GABBR2: variants seen among roughly 807,000 people sequenced by gnomAD.
GABBR2 encodes the protein gamma-aminobutyric acid type B receptor subunit 2.
A neutral mutation model predicts 105.6 loss-of-function variants in GABBR2; 23 were observed. The observed-to-expected ratio is 0.22, with a 90% CI of 0.16 to 0.31. GABBR2 has a LOEUF of 0.31. Ranked by LOEUF, GABBR2 falls within the 10% of genes least tolerant of loss-of-function variation. The pLI, the probability that GABBR2 is intolerant of heterozygous loss-of-function variation, is 1.00. For synonymous variants in GABBR2, 478 were observed against 499.7 expected, an observed-to-expected ratio of 0.96 and a Z score of 0.58; for missense variants, 734 against 1,245.5, an observed-to-expected ratio of 0.59 and a Z score of 6.18.
At chr9:98,656,423 CTTA>C (rs1007710686) in intron 1 of GABBR2, among the ~76,000 whole-genome samples, 1 of 103,236 alleles carries the variant, frequency 9.7e-6, no homozygotes, top group Non-Finnish European at 2.2e-5. Flanking sequence ...GTGTTGCTGT[CTTA>C]TTATAAAAAG....
intron 3 of GABBR2, among the ~76,000 whole-genome samples, chr9:98,520,803 T>A (rs1405324667): frequency 6.6e-6 from 1 of 152,192 alleles, no homozygotes; most frequent in Non-Finnish European, 1.5e-5. Flanking sequence ...CGCCAGATGA[T>A]GAGTCCCTGG....
At chr9:98,636,666 T>G (rs1473171109) in intron 1 of GABBR2, among the ~76,000 whole-genome samples, 1 of 152,044 alleles carries the variant, frequency 6.6e-6, no homozygotes. Flanking sequence ...GCTAATTTTT[T>G]GTATTTTAGT....
chr9:98,379,400 C>T (rs975938329), intron 11 of GABBR2, among the ~76,000 whole-genome samples: 7 of 152,236 alleles, frequency 4.6e-5, no homozygotes, highest in Admixed American at 2.6e-4. Context: ...TCCTGAGTAG[C>T]TGGGACTATA....
rs1826296645 is a variant in GABBR2, at chr9:98,454,802, G to A, written c.1000-585C>T. Among the ~76,000 whole-genome samples, 1 of 143,652 alleles carries A rather than the reference G, an allele frequency of 7.0e-6. No homozygotes were observed. The highest frequency in any genetic ancestry group is 1.5e-5 in the Non-Finnish European group (1 of 65,746). 94.2% of individuals were successfully genotyped at this position (143,652 alleles called of 152,430 possible). On this transcript the variant is annotated intron_variant, in intron 6 of 18. Coordinates refer to ENST00000259455, the MANE Select transcript of GABBR2 (RefSeq NM_005458.8). This position sits in a 1 kb window ranked among gnomAD's most constrained non-coding sequence, Gnocchi z 4.6. The stretch of plus-strand genomic sequence containing the variant: ...CCACCCCTCTCCATCCTGCAGCCCA[G>A]CCAGGCTCAGTCCATACCTCCTTCC...
intron 7 of GABBR2, among the ~76,000 whole-genome samples, chr9:98,414,800 C>G (rs990430185): frequency 1.3e-5 from 2 of 152,138 alleles, no homozygotes; most frequent in African/African-American, 4.8e-5. Flanking sequence ...AAACCTCTCA[C>G]AAGTTCCTGA....
At position 98,299,267 on chromosome 9, in the gene GABBR2, C is replaced by T; in HGVS notation, c.2499G>A (p.Glu833=). 1 of 1,614,160 alleles carries T rather than the reference C, an allele frequency of 6.2e-7. No homozygotes were observed. Among genetic ancestry groups the T allele is most frequent in the Non-Finnish European group, 8.5e-7 (1 of 1,180,022 alleles). ...TTCCCAGGTTGAGGATGTCATTGAG[C>T]TCTTGGTAGTGGTTCTGTTTAATGT... ...TTYIKQNHYQ[E]LNDILNLGNF... The change falls in exon 17 of 19, where the codon GAG becomes GAA. Residue 833 remains glutamate, a synonymous_variant. Transcript: ENST00000259455.
chr9:98,314,085 C>T (rs1032922980), intron 13 of GABBR2, among the ~76,000 whole-genome samples: 3 of 152,152 alleles, frequency 2.0e-5, no homozygotes, highest in Admixed American at 2.0e-4. Flanking sequence ...CACACTTGGG[C>T]TGGAGTGCTA....
rs146999075 is a variant in GABBR2 at position 98,289,302 on chromosome 9, G to A, written c.*1282C>T. ...TAGTTCAACCCCAAGTTACAGAGGGGAAACTGAGGCTCAGAGAGACACTAG... is the reference window on the plus strand; with the variant it reads ...TAGTTCAACCCCAAGTTACAGAGGGAAAACTGAGGCTCAGAGAGACACTAG... On this transcript the variant is annotated 3_prime_UTR_variant, in exon 19 of 19. Coordinates refer to ENST00000259455, the MANE Select transcript of GABBR2 (RefSeq NM_005458.8). The A allele has an allele frequency of 6.0e-4, 91 of 152,526 alleles. 1 individual carries two copies. The highest frequency in any genetic ancestry group is 2.1e-3 in the African/African-American group (89 of 41,566). 9.4% of individuals were successfully genotyped at this position (152,526 alleles called of 1,614,324 possible). A position where few individuals can be genotyped will look rare whatever the true frequency, so the allele number is the denominator to read the frequency against.
chr9:98,288,463 C>T lies in GABBR2; in HGVS notation c.*2121G>A, dbSNP rs1588081495. 1.3e-5 allele frequency: 2 copies of T among 152,762 alleles called. No individual in the cohort carries two copies. Among genetic ancestry groups the T allele is most frequent in the East Asian group, 1.9e-4 (1 of 5,190 alleles). 9.5% of individuals were successfully genotyped at this position (152,762 alleles called of 1,614,324 possible). ...CTCAGGAGTCACAAAGGGTTACAGA[C>T]GCACAGGCTCACCTCCGACAGTCCA... On this transcript the variant is annotated 3_prime_UTR_variant, in exon 19 of 19. Transcript: ENST00000259455.
chr9:98,503,876 T>A (rs1419011738), intron 3 of GABBR2, among the ~76,000 whole-genome samples: 1 of 152,148 alleles, frequency 6.6e-6, no homozygotes, highest in Non-Finnish European at 1.5e-5. Flanking sequence ...AACTGCCTCC[T>A]AAACCAATCA....
chr9:98,401,453 C>T (rs1272457353), intron 8 of GABBR2, among the ~76,000 whole-genome samples: 1 of 152,140 alleles, frequency 6.6e-6, no homozygotes, highest in Non-Finnish European at 1.5e-5. Context: ...CTTTCTTAGG[C>T]TCCCTGAAAG....
At chr9:98,706,628 A>G (rs1304359997) in intron 1 of GABBR2, among the ~76,000 whole-genome samples, 2 of 152,204 alleles carry the variant, frequency 1.3e-5, no homozygotes, top group Non-Finnish European at 2.9e-5. Flanking sequence ...GCTGCCACAA[A>G]CAGGCCAGTA....
rs559673036 is a variant in GABBR2 at position 98,317,947 on chromosome 9, G to C, written c.1894-6742C>G. Among the ~76,000 whole-genome samples the C allele has an allele frequency of 3.3e-5, 5 of 152,336 alleles. No individual in the cohort carries two copies. In the East Asian group the frequency reaches 7.7e-4, roughly 23 times the overall value. Reference sequence around the variant, plus strand: ...TGTTTCAGATCAGGTAGCCTGGGATGGCTACTCTGCAGTGGTGACATTTAG... The same window carrying C: ...TGTTTCAGATCAGGTAGCCTGGGATCGCTACTCTGCAGTGGTGACATTTAG... On this transcript the variant is annotated intron_variant, in intron 13 of 18. Transcript: ENST00000259455.
intron 1 of GABBR2, chr9:98,607,436 C>T (rs187573541): frequency 0.013 from 7,720 of 602,934 alleles, 70 homozygotes; most frequent in Non-Finnish European, 0.018. Flanking sequence ...CAGAGGAATG[C>T]TAACAGTTTA....
At chr9:98,400,015 G>GAAA (rs57472915) in intron 8 of GABBR2, among the ~76,000 whole-genome samples, 4 of 102,992 alleles carry the variant, frequency 3.9e-5, no homozygotes, top group African/African-American at 7.6e-5. Flanking sequence ...CCACCTCCAT[G>GAAA]AAAAAAAAAA....
At chr9:98,386,251 T>G (rs976712022) in intron 10 of GABBR2, among the ~76,000 whole-genome samples, 2 of 149,286 alleles carry the variant, frequency 1.3e-5, no homozygotes, top group African/African-American at 5.0e-5. Flanking sequence ...AGAACTCATG[T>G]CAAATCTAGA....
chr9:98,330,612 T>C (rs1054265316), intron 13 of GABBR2, among the ~76,000 whole-genome samples: 3 of 152,196 alleles, frequency 2.0e-5, no homozygotes, highest in Admixed American at 6.5e-5. Flanking sequence ...AAGAAAAATA[T>C]AGTGCATCAT....
chr9:98,445,106 G>T (rs1826102761), intron 7 of GABBR2, among the ~76,000 whole-genome samples: 1 of 152,222 alleles, frequency 6.6e-6, no homozygotes, highest in African/African-American at 2.4e-5. Flanking sequence ...AATCATTTGT[G>T]AATTTAATCC....
intron 13 of GABBR2, among the ~76,000 whole-genome samples, chr9:98,330,006 G>A (rs3780437): frequency 0.65 from 98,596 of 151,992 alleles, 33,529 homozygotes; most frequent in African/African-American, 0.85. Context: ...AAATAATTTC[G>A]TAAAATTATC....
Sources: allele counts gnomAD v4.1 joint callset (sites outside exome capture counted in the v4.1 genomes callset), GRCh38; gene constraint gnomAD v4.1.1; non-coding constraint Gnocchi (gnomAD v3.1); transcripts MANE v1.5; gene names NCBI Gene and HGNC (gene_info 2026-07-23, HGNC 2026-07-21).